Variants in VWF observed in about 807,000 individuals in gnomAD.
VWF encodes the protein Factor VIII related antigen.
A neutral mutation model predicts 308.6 loss-of-function variants in VWF; 176 were observed. That is an observed-to-expected ratio of 0.57 (90% CI 0.50 to 0.65). The LOEUF is 0.65. VWF is among the 30% of genes least tolerant of loss of function. The pLI, the probability that VWF is intolerant of heterozygous loss-of-function variation, is 0.00. For synonymous variants in VWF, 1,385 were observed against 1,443.4 expected (o/e 0.96, Z 0.92); for missense variants, 3,146 against 3,648.2 (o/e 0.86, Z 3.55).
rs61754016 is a variant in VWF at position 6,056,944 on chromosome 12, C to G, written c.1858G>C (p.Glu620Gln). The G allele has an allele frequency of 1.3e-6, 2 of 1,536,774 alleles. No homozygotes were observed. The highest frequency in any genetic ancestry group is 1.2e-5 in the South Asian group (1 of 83,902). The change falls in exon 15 of 52, where the codon GAG (glutamate) becomes CAG (glutamine). Residue 620 changes from glutamate (E) to glutamine (Q), a missense_variant. By Grantham distance (29) the Glu-to-Gln change is conservative. Transcript: ENST00000261405. ...CTGGCCAGGGCGCCGCACAGGCACT[C>G]GCGGCCGTCCGAGCAGGAGCACACG... ...YDVCSCSDGR[E>Q]CLCGALASYA...
Position 5,992,543 on chromosome 12 carries a change from T to C in VWF, c.6599-525A>G, listed in dbSNP as rs1320840609. 2.0e-5 allele frequency among the ~76,000 whole-genome samples: 3 copies of C among 152,272 alleles called. No individual in the cohort carries two copies. In the East Asian group the frequency reaches 5.8e-4, roughly 29 times the overall value. On this transcript the variant is annotated intron_variant, in intron 37 of 51. Coordinates refer to ENST00000261405, the MANE Select transcript of VWF (RefSeq NM_000552.5). ...ACAGAAAATTTTAATTCTCTGCTAC[T>C]AGCAGCCAAATCTAGTCCTAACAAA...
intron 34 of VWF, among the ~76,000 whole-genome samples, chr12:6,003,374 C>T (rs73261058): frequency 0.018 from 2,789 of 151,664 alleles, 62 homozygotes; most frequent in African/African-American, 0.055. Context: ...TTGTCTGTTA[C>T]CAAAGTTGAG....
At chr12:5,977,131 T>C (rs1943542058) in intron 42 of VWF, among the ~76,000 whole-genome samples, 1 of 152,236 alleles carries the variant, frequency 6.6e-6, no homozygotes, top group Admixed American at 6.5e-5. Flanking sequence ...TTAAAAGGCC[T>C]GCAGGAAAAT....
At chr12:6,048,237 G>A (rs113557419) in intron 16 of VWF, among the ~76,000 whole-genome samples, 3,113 of 151,834 alleles carry the variant, frequency 0.021, 99 homozygotes, top group African/African-American at 0.07. Context: ...GTTCGATCTC[G>A]GCTCACTGCA....
intron 22 of VWF, among the ~76,000 whole-genome samples, chr12:6,027,132 A>T (rs1565834998): frequency 6.6e-6 from 1 of 152,314 alleles, no homozygotes; most frequent in Admixed American, 6.5e-5. Flanking sequence ...AAGGCCAACG[A>T]TCTTCCCATG....
chr12:6,000,829 A>AG (rs1565825296), intron 34 of VWF, among the ~76,000 whole-genome samples: 1 of 151,522 alleles, frequency 6.6e-6, no homozygotes, highest in Non-Finnish European at 1.5e-5. Context: ...AAAAAAAAAA[A>AG]AAAAAGAAAT....
At position 5,985,673 on chromosome 12, in the gene VWF, C is replaced by T. The variant is rs969154493; in HGVS notation, c.6799-8G>A. On this transcript the variant is annotated splice_region_variant and splice_polypyrimidine_tract_variant and intron_variant, in intron 38 of 51. Transcript: ENST00000261405. ...GACCCAGGCTTCCAGGAACTGAGGG[C>T]AAAGCGAGGTTCAGAAAGGGCACAG... 3.1e-6 allele frequency: 5 copies of T among 1,613,298 alleles called. No homozygotes were observed. The highest frequency in any genetic ancestry group is 3.4e-6 in the Non-Finnish European group (4 of 1,179,522).
At chr12:6,074,987 G>C (rs1392964358) in intron 7 of VWF, among the ~76,000 whole-genome samples, 3 of 152,070 alleles carry the variant, frequency 2.0e-5, no homozygotes, top group Non-Finnish European at 4.4e-5. Context: ...GGGCGGGCAG[G>C]CGGTGAAGAC....
intron 6 of VWF, among the ~76,000 whole-genome samples, chr12:6,091,217 C>G (rs545199673): frequency 6.6e-6 from 1 of 150,882 alleles, no homozygotes; most frequent in Non-Finnish European, 1.5e-5. Context: ...TCAAATTGTT[C>G]CATGAAGATG....
chr12:5,960,310 T>C (rs2136346146), intron 47 of VWF, among the ~76,000 whole-genome samples: 1 of 152,118 alleles, frequency 6.6e-6, no homozygotes, highest in South Asian at 2.1e-4. Flanking sequence ...ACCAAACTAA[T>C]TCAAGAAGAA....
rs1250915385 is a variant in VWF, at chr12:6,092,620, T to TGAGTGAGAGAGAGAGAGAGAGA, written c.657+2839_657+2840insTCTCTCTCTCTCTCTCTCACTC. Among the ~76,000 whole-genome samples, 91 of 89,694 alleles carry TGAGTGAGAGAGAGAGAGAGAGA rather than the reference T, an allele frequency of 1.0e-3. 7 individuals carry two copies. Among genetic ancestry groups the TGAGTGAGAGAGAGAGAGAGAGA allele is most frequent in the African/African-American group, 5.4e-3 (90 of 16,790 alleles). 58.8% of individuals were successfully genotyped at this position (89,694 alleles called of 152,430 possible). On this transcript the variant is annotated intron_variant, in intron 6 of 51. Coordinates refer to ENST00000261405, the MANE Select transcript of VWF (RefSeq NM_000552.5). ...CAGCTAGTTAGTGAGTGAGTGAGAG[T>TGAGTGAGAGAGAGAGAGAGAGA]GTGTGTGTGTGTGTGTGTGTGTGTG...
intron 18 of VWF, among the ~76,000 whole-genome samples, chr12:6,042,050 T>C (rs1944402125): frequency 6.6e-6 from 1 of 152,154 alleles, no homozygotes. Context: ...CCATGCATCA[T>C]GGAGGCAGAA....
At chr12:5,974,853 C>CTGTA (rs1452541061) in intron 43 of VWF, among the ~76,000 whole-genome samples, 1 of 152,194 alleles carries the variant, frequency 6.6e-6, no homozygotes, top group Non-Finnish European at 1.5e-5. Context: ...AAAGATCCTC[C>CTGTA]TGTATCTTTT....
intron 6 of VWF, among the ~76,000 whole-genome samples, chr12:6,076,844 C>T (rs57814939): frequency 0.098 from 14,931 of 152,174 alleles, 2,378 homozygotes; most frequent in African/African-American, 0.33. Flanking sequence ...TCCTGTTTTG[C>T]GGCGCCACAG....
intron 5 of VWF, among the ~76,000 whole-genome samples, chr12:6,106,452 T>C (rs1275932058): frequency 6.6e-6 from 1 of 152,186 alleles, no homozygotes; most frequent in Non-Finnish European, 1.5e-5. Flanking sequence ...TGGGAAGTTA[T>C]TGTGTAATGA....
At chr12:6,117,326 G>A (rs778886323) in intron 3 of VWF, among the ~76,000 whole-genome samples, 16 of 152,140 alleles carry the variant, frequency 1.1e-4, no homozygotes, top group African/African-American at 1.9e-4. Context: ...CCCAGAAAAC[G>A]GTGGCCCGAG....
intron 6 of VWF, among the ~76,000 whole-genome samples, chr12:6,093,017 G>T (rs1457710114): frequency 6.6e-6 from 1 of 151,806 alleles, no homozygotes; most frequent in Non-Finnish European, 1.5e-5. Flanking sequence ...TCTACCAGAG[G>T]CTACACTTCC....
chr12:5,968,071 C>T, intron 46 of VWF, 56 bp downstream of exon 46: 1 of 1,611,038 alleles, frequency 6.2e-7, no homozygotes, highest in East Asian at 2.2e-5. Flanking sequence ...CCCCTTCCCA[C>T]AGTACCCCCT....
chr12:6,104,959 G>A lies in VWF; in HGVS notation c.532+5415C>T, dbSNP rs534621599. ...GCATCTTTTGCAGCAACATGGGTGGGATTGGAGGTCATTATGTTAAGTGAA... is the reference window on the plus strand; with the variant it reads ...GCATCTTTTGCAGCAACATGGGTGGAATTGGAGGTCATTATGTTAAGTGAA... On this transcript the variant is annotated intron_variant, in intron 5 of 51. Coordinates refer to ENST00000261405, the MANE Select transcript of VWF (RefSeq NM_000552.5). Among the ~76,000 whole-genome samples the A allele has an allele frequency of 2.6e-5, 4 of 152,282 alleles. No individual in the cohort carries two copies. In the East Asian group the frequency reaches 7.7e-4, roughly 29 times the overall value.
Sources: gnomAD v4.1 joint callset for allele counts (sites outside exome capture counted in the v4.1 genomes callset) on GRCh38, gnomAD v4.1.1 for gene constraint, MANE v1.5 for transcripts, NCBI Gene and HGNC (gene_info 2026-07-23, HGNC 2026-07-21) for gene names.